Variants in ALDH7A1 observed in about 807,000 individuals in gnomAD.
The protein encoded by ALDH7A1 is aldehyde dehydrogenase 7 family member A1, also known as alpha-aminoadipic semialdehyde dehydrogenase.
Under a neutral mutation model 79.9 loss-of-function variants are expected in ALDH7A1, and 63 were observed. The observed-to-expected ratio is 0.79, with a 90% CI of 0.64 to 0.97. The LOEUF (loss-of-function observed/expected upper bound fraction) is 0.97. ALDH7A1 is among the 50% of genes least tolerant of loss of function. The probability of loss-of-function intolerance (pLI) is 0.00; values close to 1 mark genes in which losing one functional copy is unlikely to be tolerated. For missense variants in ALDH7A1, 627 were observed against 665.2 expected (o/e 0.94, Z 0.63); for synonymous variants, 240 against 231.2 (o/e 1.04, Z -0.34).
At chr5:126,567,474 A>C (rs1334349569) in intron 9 of ALDH7A1, among the ~76,000 whole-genome samples, 1 of 152,010 alleles carries the variant, frequency 6.6e-6, no homozygotes, top group Non-Finnish European at 1.5e-5. Context: ...ACTTCCTTTC[A>C]TAACTTTTTT....
intron 9 of ALDH7A1, among the ~76,000 whole-genome samples, chr5:126,563,857 T>C (rs1252586697): frequency 6.6e-6 from 1 of 152,076 alleles, no homozygotes; most frequent in Non-Finnish European, 1.5e-5. Context: ...GGTGCTATCA[T>C]AGCTCACTGC....
intron 11 of ALDH7A1, among the ~76,000 whole-genome samples, chr5:126,558,433 C>T (rs1561653798): frequency 6.6e-6 from 1 of 152,166 alleles, no homozygotes; most frequent in Non-Finnish European, 1.5e-5. Flanking sequence ...AGAGGTCACA[C>T]ATATACATAG....
At chr5:126,550,844 TCTCA>T (rs1384890115) in intron 14 of ALDH7A1, among the ~76,000 whole-genome samples, 5 of 152,226 alleles carry the variant, frequency 3.3e-5, no homozygotes, top group African/African-American at 7.2e-5. Context: ...AAGATGCAAT[TCTCA>T]CTATTATTTT....
intron 3 of ALDH7A1, chr5:126,586,053 A>G (rs538039954): frequency 6.6e-6 from 1 of 152,380 alleles, no homozygotes; most frequent in African/African-American, 2.4e-5. Flanking sequence ...TTGAAAAGCT[A>G]TAATAGAATA....
Position 126,559,244 on chromosome 5 carries a change from C to T in ALDH7A1, c.1004G>A (p.Arg335Gln), listed in dbSNP as rs754449549. ...GGCCTATGCAGATATACTCACCAGTCGCCTCGCAGTGGTACACCTCTGGCC... is the reference window on the plus strand; with the variant it reads ...GGCCTATGCAGATATACTCACCAGTTGCCTCGCAGTGGTACACCTCTGGCC... ...TAGQRCTTAR[R>Q]LFIHESIHDE... The change falls in exon 11 of 18, where the codon CGA (arginine) becomes CAA (glutamine). Residue 335 changes from arginine to glutamine, a missense_variant. Arg to Gln is a conservative substitution (Grantham distance 43). Coordinates refer to ENST00000409134, the MANE Select transcript of ALDH7A1 (RefSeq NM_001182.5). The T allele has an allele frequency of 1.7e-5, 28 of 1,613,264 alleles. No homozygotes were observed. Among genetic ancestry groups the T allele is most frequent in the Admixed American group, 5.0e-5 (3 of 59,986 alleles).
At chr5:126,560,669 A>G (rs1176579204) in intron 10 of ALDH7A1, among the ~76,000 whole-genome samples, 1 of 152,192 alleles carries the variant, frequency 6.6e-6, no homozygotes, top group African/African-American at 2.4e-5. Flanking sequence ...TTCCCAATAT[A>G]AAAACACTCA....
chr5:126,556,239 C>CTTT lies in ALDH7A1; in HGVS notation c.1009-227_1009-225dup, dbSNP rs35367836. Among the ~76,000 whole-genome samples, 2,121 of 97,900 alleles carry CTTT rather than the reference C, an allele frequency of 0.022. 196 individuals carry two copies. Among genetic ancestry groups the CTTT allele is most frequent in the Admixed American group, 0.025 (178 of 7,088 alleles). 64.2% of individuals were successfully genotyped at this position (97,900 alleles called of 152,430 possible). On this transcript the variant is annotated intron_variant, in intron 11 of 17. Coordinates refer to ENST00000409134, the MANE Select transcript of ALDH7A1 (RefSeq NM_001182.5). ...AATAGAATAAAATCATAAGCCATGT[C>CTTT]TTTTTTTTTTTTTTTTTTTTTGAGA... is the stretch of plus-strand genomic sequence containing the variant.
At chr5:126,559,420 T>G (rs1436926582) in intron 10 of ALDH7A1, 86 bp from the exon 11 acceptor site, 33 of 1,090,368 alleles carry the variant, frequency 3.0e-5, no homozygotes, top group Non-Finnish European at 4.1e-5. Flanking sequence ...TGTTGTTTTT[T>G]GTTTTTGGTT....
chr5:126,569,575 G>A (rs1195343264), intron 8 of ALDH7A1: 2 of 152,194 alleles, frequency 1.3e-5, no homozygotes, highest in African/African-American at 4.8e-5. Context: ...CAGCAAGCAT[G>A]AGCACTAATA....
rs1749731395 is a variant in ALDH7A1 at position 126,544,833 on chromosome 5, G to T, written c.*132C>A. ...TCTCTTGATTTAATCAGGGCTTTGG[G>T]GTCATAGGGGGATTAGTCACTGTCA... is the stretch of plus-strand genomic sequence containing the variant. On this transcript the variant is annotated 3_prime_UTR_variant, in exon 18 of 18. Transcript: ENST00000409134. 1.4e-6 allele frequency: 1 copy of T among 739,142 alleles called. No homozygotes were observed. Among genetic ancestry groups the T allele is most frequent in the Admixed American group, 2.1e-5 (1 of 48,268 alleles). 45.8% of individuals were successfully genotyped at this position (739,142 alleles called of 1,614,324 possible). A position where few individuals can be genotyped will look rare whatever the true frequency, so the allele number is the denominator to read the frequency against.
rs773982719 is a variant in ALDH7A1, at chr5:126,550,008, TA to T, written c.1416-7del. 6.2e-7 allele frequency: 1 copy of T among 1,613,778 alleles called. No individual in the cohort carries two copies. Among genetic ancestry groups the T allele is most frequent in the Non-Finnish European group, 8.5e-7 (1 of 1,179,748 alleles). On this transcript the variant is annotated splice_polypyrimidine_tract_variant and splice_region_variant and intron_variant, in intron 15 of 17. Transcript: ENST00000409134. ...CACAGTCTGATCCTTTAGGTCTGTG[TA>T]AAAAGGGAGGCATGGTGAGAGCAAT...
At chr5:126,560,629 G>T (rs906225453) in intron 10 of ALDH7A1, among the ~76,000 whole-genome samples, 1 of 143,746 alleles carries the variant, frequency 7.0e-6, no homozygotes, top group African/African-American at 2.6e-5. Flanking sequence ...ATAGGTAAGT[G>T]ATTTTTTTAA....
chr5:126,551,850 A>G (rs1750010245), intron 14 of ALDH7A1, among the ~76,000 whole-genome samples, 171 bp downstream of exon 14: 1 of 152,206 alleles, frequency 6.6e-6, no homozygotes, highest in Non-Finnish European at 1.5e-5. Flanking sequence ...TTGGCATGCT[A>G]TAGAGTTTTA....
intron 14 of ALDH7A1, 29 bp from the exon 15 acceptor site, chr5:126,550,322 G>C (rs1168433973): frequency 6.6e-7 from 1 of 1,525,450 alleles, no homozygotes; most frequent in Admixed American, 1.7e-5. Flanking sequence ...GAAGCTGTAA[G>C]ATGTTATAGT....
intron 11 of ALDH7A1, among the ~76,000 whole-genome samples, chr5:126,557,051 T>C (rs1297030683): frequency 6.6e-6 from 1 of 152,172 alleles, no homozygotes; most frequent in Non-Finnish European, 1.5e-5. Flanking sequence ...ATTGGCTGAA[T>C]AGAGAAATAT....
At chr5:126,578,850 C>T (rs184038070) in intron 5 of ALDH7A1, among the ~76,000 whole-genome samples, 9 of 152,272 alleles carry the variant, frequency 5.9e-5, no homozygotes, top group Admixed American at 2.6e-4. Context: ...GGTGGCTGTC[C>T]CAGCCATCAG....
intron 11 of ALDH7A1, among the ~76,000 whole-genome samples, chr5:126,556,330 C>T (rs1384161262): frequency 1.3e-5 from 2 of 148,720 alleles, no homozygotes; most frequent in East Asian, 4.0e-4. Flanking sequence ...GCAACCTCCA[C>T]TTCCCGGGTT....
At chr5:126,566,013 G>A (rs531188382) in intron 9 of ALDH7A1, among the ~76,000 whole-genome samples, 1 of 152,338 alleles carries the variant, frequency 6.6e-6, no homozygotes, top group East Asian at 1.9e-4. Context: ...TGACTGAGAA[G>A]TGAGAGTCCT....
Position 126,570,879 on chromosome 5 carries a change from T to C in ALDH7A1, c.696-20A>G, listed in dbSNP as rs747967324. 3 of 1,610,534 alleles carry C rather than the reference T, an allele frequency of 1.9e-6. No individual in the cohort carries two copies. The highest frequency in any genetic ancestry group is 2.5e-6 in the Non-Finnish European group (3 of 1,176,852). On this transcript the variant is annotated intron_variant, in intron 7 of 17. Coordinates refer to ENST00000409134, the MANE Select transcript of ALDH7A1 (RefSeq NM_001182.5). ...ATTATCCTAGAAAGGAAAAAGCAAT[T>C]ACTGAGGCAATAATTTAAGGCATTT...
Sources: allele counts gnomAD v4.1 joint callset (sites outside exome capture counted in the v4.1 genomes callset), GRCh38; gene constraint gnomAD v4.1.1; transcripts MANE v1.5; gene names NCBI Gene and HGNC (gene_info 2026-07-23, HGNC 2026-07-21).